The following SHISA9 variants were observed in gnomAD, a reference collection of about 807,000 sequenced individuals.
The protein encoded by SHISA9 is shisa family member 9, also known as protein shisa-9.
Under a neutral mutation model 38.0 loss-of-function variants are expected in SHISA9, and 13 were observed. The observed-to-expected ratio is 0.34, with a 90% confidence interval of 0.22 to 0.54. The LOEUF (loss-of-function observed/expected upper bound fraction) is 0.54. Ranked by LOEUF, SHISA9 falls within the 20% of genes least tolerant of loss-of-function variation. The probability of loss-of-function intolerance (pLI) is 0.91; values close to 1 mark genes in which losing one functional copy is unlikely to be tolerated. For synonymous variants in SHISA9, 275 were observed against 242.0 expected (o/e 1.14, Z -1.27); for missense variants, 538 against 575.8 (o/e 0.93, Z 0.67).
At chr16:13,277,693 G>A in the SHISA9 span, among the ~76,000 whole-genome samples, 1 of 151,790 alleles carries the variant, frequency 6.6e-6, no homozygotes, top group African/African-American at 2.4e-5. Context: ...ATTGTAAAAG[G>A]GGTTGAGTTC....
At chr16:13,459,519 G>A in the SHISA9 span, among the ~76,000 whole-genome samples, 1 of 152,114 alleles carries the variant, frequency 6.6e-6, no homozygotes, top group Non-Finnish European at 1.5e-5. Flanking sequence ...TTATTTTTCA[G>A]GGGGACCTTA....
At chr16:13,258,465 T>C in the SHISA9 span, 1 of 152,230 alleles carries the variant, frequency 6.6e-6, no homozygotes, top group South Asian at 2.1e-4. Context: ...TCTCTTCTCT[T>C]CTACTTAGTC....
chr16:13,545,654 C>G, the SHISA9 span, among the ~76,000 whole-genome samples: 1,361 of 152,312 alleles, frequency 8.9e-3, 18 homozygotes, highest in African/African-American at 0.031. Context: ...GTTGCGTCCC[C>G]TGGCAGGAGC....
chr16:12,973,779 G>A (rs1596558548), intron 2 of SHISA9, among the ~76,000 whole-genome samples: 1 of 152,284 alleles, frequency 6.6e-6, no homozygotes, highest in African/African-American at 2.4e-5. Context: ...TGGGCACAGT[G>A]GAAAGAGCAC....
At chr16:12,964,066 C>A (rs1165742496) in intron 2 of SHISA9, among the ~76,000 whole-genome samples, 1 of 152,314 alleles carries the variant, frequency 6.6e-6, no homozygotes, top group Non-Finnish European at 1.5e-5. Context: ...TCATGGTTTT[C>A]ATTAGAACAA....
chr16:13,329,338 C>T, the SHISA9 span, among the ~76,000 whole-genome samples: 1 of 152,094 alleles, frequency 6.6e-6, no homozygotes, highest in East Asian at 1.9e-4. Flanking sequence ...TCCTTGTCTC[C>T]TTGTGTGTGT....
At chr16:13,497,694 A>AG in the SHISA9 span, among the ~76,000 whole-genome samples, 1 of 151,574 alleles carries the variant, frequency 6.6e-6, no homozygotes, top group Non-Finnish European at 1.5e-5. Context: ...CCAAAAAAAA[A>AG]AAAAAAAGAA....
chr16:13,548,845 GTAA>G, the SHISA9 span, among the ~76,000 whole-genome samples: 1 of 152,100 alleles, frequency 6.6e-6, no homozygotes, highest in Non-Finnish European at 1.5e-5. Flanking sequence ...ATATGATCCA[GTAA>G]TCCCACAGCT....
At chr16:13,123,832 A>G (rs2050234241) in intron 2 of SHISA9, among the ~76,000 whole-genome samples, 1 of 152,218 alleles carries the variant, frequency 6.6e-6, no homozygotes, top group South Asian at 2.1e-4. Flanking sequence ...TGGCTCCATC[A>G]TGTATGAGCT....
At chr16:12,927,834 GAA>G (rs1019285516) in intron 2 of SHISA9, among the ~76,000 whole-genome samples, 4 of 152,114 alleles carry the variant, frequency 2.6e-5, no homozygotes, top group Non-Finnish European at 5.9e-5. Context: ...CACCCAGCCA[GAA>G]AAGTCTATCT....
At chr16:12,953,579 A>G (rs944742770) in intron 2 of SHISA9, among the ~76,000 whole-genome samples, 2 of 152,352 alleles carry the variant, frequency 1.3e-5, no homozygotes, top group African/African-American at 2.4e-5. Context: ...ATGAGCATCA[A>G]GTAGGCATAA....
At chr16:13,100,538 A>G (rs1031893184) in intron 2 of SHISA9, among the ~76,000 whole-genome samples, 3 of 152,088 alleles carry the variant, frequency 2.0e-5, no homozygotes, top group African/African-American at 7.2e-5. Flanking sequence ...CTTGTACAGG[A>G]ATGACAGCTC....
the SHISA9 span, among the ~76,000 whole-genome samples, chr16:13,375,390 G>A: frequency 3.9e-5 from 6 of 152,132 alleles, no homozygotes; most frequent in Non-Finnish European, 8.8e-5. Flanking sequence ...TTCTACATAT[G>A]GCTAGCCAGT....
chr16:13,084,772 C>G (rs1282372475), intron 2 of SHISA9, among the ~76,000 whole-genome samples: 1 of 151,456 alleles, frequency 6.6e-6, no homozygotes, highest in Non-Finnish European at 1.5e-5. Flanking sequence ...CATAGACAGA[C>G]TGGCTTAAAC....
chr16:13,450,284 G>T, the SHISA9 span, among the ~76,000 whole-genome samples: 3 of 152,236 alleles, frequency 2.0e-5, no homozygotes, highest in Non-Finnish European at 2.9e-5. Context: ...ATATTGTGAA[G>T]ATTGGGAATT....
At chr16:13,379,450 C>T in the SHISA9 span, among the ~76,000 whole-genome samples, 1 of 152,198 alleles carries the variant, frequency 6.6e-6, no homozygotes, top group Non-Finnish European at 1.5e-5. Context: ...CCAGGTCCCC[C>T]CGCCACTTCC....
At chr16:13,280,117 C>CTTTTTTTTT in the SHISA9 span, among the ~76,000 whole-genome samples, 143 of 102,778 alleles carry the variant, frequency 1.4e-3, no homozygotes, top group African/African-American at 1.6e-3. Flanking sequence ...CTCTCTTTCT[C>CTTTTTTTTT]TTTTTTTTTT....
chr16:13,307,161 A>G, the SHISA9 span, among the ~76,000 whole-genome samples: 73,375 of 152,072 alleles, frequency 0.48, 17,895 homozygotes, highest in Admixed American at 0.56. Flanking sequence ...CAGTTTCAGT[A>G]TCTATCAAAT....
the SHISA9 span, among the ~76,000 whole-genome samples, chr16:13,459,739 A>G: frequency 1.8e-3 from 271 of 152,292 alleles, 1 homozygote; most frequent in African/African-American, 5.5e-3. Flanking sequence ...TGGAGACCTT[A>G]ATGGAAGTGT....
Sources: allele counts gnomAD v4.1 joint callset (sites outside exome capture counted in the v4.1 genomes callset), GRCh38; gene constraint gnomAD v4.1.1; transcripts MANE v1.5; gene names NCBI Gene and HGNC (gene_info 2026-07-23, HGNC 2026-07-21).